Variants in TANC2 observed in about 807,000 individuals in gnomAD.
The protein encoded by TANC2 is protein TANC2.
TANC2 carries 26 observed loss-of-function variants against 210.5 expected under a neutral mutation model. That is an observed-to-expected ratio of 0.12 (90% CI 0.09 to 0.17). The LOEUF (loss-of-function observed/expected upper bound fraction) is 0.17. Among genes scored for constraint, TANC2 ranks in the 10% least tolerant of loss-of-function variants. TANC2 has a pLI of 1.00. For synonymous variants in TANC2, 931 were observed against 967.1 expected (o/e 0.96, Z 0.69); for missense variants, 2,129 against 2,608.9 (o/e 0.82, Z 4.01).
chr17:63,276,369 A>AT (rs1322295334), intron 9 of TANC2, among the ~76,000 whole-genome samples: 4 of 152,020 alleles, frequency 2.6e-5, no homozygotes, highest in Non-Finnish European at 5.9e-5. Context: ...AGTTATAAAT[A>AT]TTTTATCAAA....
chr17:63,185,059 A>G (rs1436851868), intron 5 of TANC2, among the ~76,000 whole-genome samples: 3 of 151,668 alleles, frequency 2.0e-5, no homozygotes, highest in Non-Finnish European at 2.9e-5. Flanking sequence ...CAGTGGTGCA[A>G]TCATGTTTCA....
At chr17:63,358,401 G>GTT (rs2046851352) in intron 14 of TANC2, among the ~76,000 whole-genome samples, 1 of 151,762 alleles carries the variant, frequency 6.6e-6, no homozygotes, top group South Asian at 2.1e-4. Context: ...GTGTGTGTGT[G>GTT]TGTGTGTGTG....
chr17:63,232,008 T>C (rs2042489495), intron 7 of TANC2, among the ~76,000 whole-genome samples: 1 of 152,224 alleles, frequency 6.6e-6, no homozygotes, highest in Non-Finnish European at 1.5e-5. Context: ...AGCAAGTTAG[T>C]CTTCAGGCTC....
At chr17:63,001,377 GC>G (rs1004545701) in intron 1 of TANC2, among the ~76,000 whole-genome samples, 7 of 151,894 alleles carry the variant, frequency 4.6e-5, no homozygotes, top group African/African-American at 1.7e-4. Context: ...CTTTTATTAT[GC>G]CCCTTCTTTA....
chr17:63,157,792 C>T (rs927418562), intron 5 of TANC2, among the ~76,000 whole-genome samples: 12 of 151,984 alleles, frequency 7.9e-5, no homozygotes, highest in African/African-American at 2.9e-4. Flanking sequence ...CTGTGCCACC[C>T]AGGCTGGAGT....
At chr17:63,159,267 T>G (rs2039943809) in intron 5 of TANC2, among the ~76,000 whole-genome samples, 1 of 152,206 alleles carries the variant, frequency 6.6e-6, no homozygotes, top group Non-Finnish European at 1.5e-5. Context: ...AGTTATGATC[T>G]TAGTTCTCTT....
At chr17:63,149,443 T>C (rs2039572901) in intron 4 of TANC2, 1 of 152,080 alleles carries the variant, frequency 6.6e-6, no homozygotes, top group Non-Finnish European at 1.5e-5. Flanking sequence ...AGCCCTAAAT[T>C]TCATTATTTA....
At chr17:63,323,301 C>T (rs902473977) in intron 11 of TANC2, among the ~76,000 whole-genome samples, 15 of 152,288 alleles carry the variant, frequency 9.8e-5, no homozygotes, top group African/African-American at 3.4e-4. Context: ...AACATTCTTG[C>T]TCTTTCTTGT....
At chr17:63,099,986 TA>T (rs879630066) in intron 4 of TANC2, among the ~76,000 whole-genome samples, 3 of 152,126 alleles carry the variant, frequency 2.0e-5, no homozygotes, top group Admixed American at 2.0e-4. Flanking sequence ...TTTCAGGAAA[TA>T]AATTTTAATA....
chr17:63,364,020 T>C (rs937587736), intron 14 of TANC2, among the ~76,000 whole-genome samples: 2 of 152,238 alleles, frequency 1.3e-5, no homozygotes, highest in Non-Finnish European at 2.9e-5. Flanking sequence ...TGACCTGTAA[T>C]ATTATTGGGG....
intron 1 of TANC2, among the ~76,000 whole-genome samples, chr17:62,998,839 A>G (rs183410618): frequency 6.6e-6 from 1 of 152,360 alleles, no homozygotes; most frequent in East Asian, 1.9e-4. Context: ...TAAAGCAGCT[A>G]TACAGTCAAG....
At chr17:63,014,287 G>T (rs1388694475) in intron 2 of TANC2, among the ~76,000 whole-genome samples, 1 of 151,928 alleles carries the variant, frequency 6.6e-6, no homozygotes, top group Non-Finnish European at 1.5e-5. Flanking sequence ...TACTGACATA[G>T]TATCCTTTAG....
At chr17:63,241,973 G>A (rs1357426942) in intron 8 of TANC2, among the ~76,000 whole-genome samples, 3 of 152,158 alleles carry the variant, frequency 2.0e-5, no homozygotes, top group South Asian at 2.1e-4. Flanking sequence ...CTCATCATCA[G>A]TGTGGTGCAT....
intron 8 of TANC2, among the ~76,000 whole-genome samples, chr17:63,242,153 TAAAC>T (rs908340989): frequency 6.6e-6 from 1 of 152,154 alleles, no homozygotes; most frequent in African/African-American, 2.4e-5. Flanking sequence ...TTGCTCTTCT[TAAAC>T]AGACATATCT....
At chr17:63,097,307 A>C (rs556749838) in intron 3 of TANC2, among the ~76,000 whole-genome samples, 1 of 152,092 alleles carries the variant, frequency 6.6e-6, no homozygotes, top group Admixed American at 6.5e-5. Flanking sequence ...TTGGCCTCTC[A>C]AAGTCTTGGG....
intron 10 of TANC2, 46 bp from the exon 11 acceptor site, chr17:63,318,911 G>A (rs2045403102): frequency 6.2e-7 from 1 of 1,608,438 alleles, no homozygotes; most frequent in African/African-American, 1.3e-5. Flanking sequence ...TTTCCTTAAA[G>A]TTTTTATGAT....
intron 12 of TANC2, among the ~76,000 whole-genome samples, chr17:63,350,330 G>A (rs1034322544): frequency 2.0e-5 from 3 of 152,084 alleles, no homozygotes; most frequent in Non-Finnish European, 4.4e-5. Context: ...TTCAGAGCCT[G>A]TGAGATCCTG....
intron 3 of TANC2, among the ~76,000 whole-genome samples, chr17:63,078,364 T>A (rs931195435): frequency 6.6e-6 from 1 of 152,114 alleles, no homozygotes; most frequent in Non-Finnish European, 1.5e-5. Flanking sequence ...TCTCAGAGAA[T>A]CAGTTTTGTA....
intron 19 of TANC2, among the ~76,000 whole-genome samples, chr17:63,403,551 C>T (rs1027128435): frequency 6.6e-6 from 1 of 152,156 alleles, no homozygotes; most frequent in African/African-American, 2.4e-5. Flanking sequence ...AGAGATAAAA[C>T]TTCTTTGTCC....
Sources: allele counts gnomAD v4.1 joint callset (sites outside exome capture counted in the v4.1 genomes callset), GRCh38; gene constraint gnomAD v4.1.1; transcripts MANE v1.5; gene names NCBI Gene and HGNC (gene_info 2026-07-23, HGNC 2026-07-21).